Variants in GOLGA6L7 observed in about 807,000 individuals in gnomAD.
GOLGA6L7 encodes golgin subfamily A member 6-like protein 7.
GOLGA6L7 carries 29 observed loss-of-function variants against 68.9 expected under a neutral mutation model. That is an observed-to-expected ratio of 0.42 (90% confidence interval 0.31 to 0.57). The LOEUF is 0.57. Among genes scored for constraint, GOLGA6L7 ranks in the 20% least tolerant of loss-of-function variants. GOLGA6L7 has a pLI of 0.13. For synonymous variants in GOLGA6L7, 133 were observed against 197.4 expected, an observed-to-expected ratio of 0.67 and a Z score of 2.73; for missense variants, 396 against 588.4, an observed-to-expected ratio of 0.67 and a Z score of 3.38.
In GOLGA6L7 at chr15:28,846,225, T is replaced by C. The variant is rs773675475; in HGVS notation, c.205A>G (p.Lys69Glu). The change falls in exon 3 of 9, where the codon AAA becomes GAA. Residue 69 changes from lysine to glutamate, a missense_variant. This residue lies in a region of GOLGA6L7 where 125 missense variants were observed against 119.4 expected (regional missense o/e 1.05). Coordinates refer to ENST00000567390, the MANE Select transcript of GOLGA6L7 (RefSeq NM_001365371.2). ...AAAGAAAGAAACCATGTTACCTCTT[T>C]CAGCTGAGCTCGGTTCTGTTGTTTC... Reference protein sequence around the residue: ...EDKQQNRAQLKEENKASHQHQ... With the variant: ...EDKQQNRAQLEEENKASHQHQ... The C allele has an allele frequency of 2.6e-5, 20 of 771,064 alleles. No individual in the cohort carries two copies. In the South Asian group the frequency reaches 2.8e-4, roughly 11 times the overall value. The allele number at this position is 771,064 out of a possible 1,614,324, so 47.8% of individuals were successfully genotyped here.
intron 1 of GOLGA6L7, among the ~76,000 whole-genome samples, chr15:28,848,121 C>T (rs1227154508): frequency 6.6e-6 from 1 of 152,062 alleles, no homozygotes; most frequent in Non-Finnish European, 1.5e-5. Context: ...AGTGGGGAGC[C>T]CCAGGAGTCA....
In GOLGA6L7 at chr15:28,845,716, A is replaced by C. The variant is rs1567382434; in HGVS notation, c.355+2T>G. 2 of 777,178 alleles carry C rather than the reference A, an allele frequency of 2.6e-6. No individual in the cohort carries two copies. The highest frequency in any genetic ancestry group is 1.7e-5 in the African/African-American group (1 of 59,274). 48.1% of individuals were successfully genotyped at this position (777,178 alleles called of 1,614,324 possible). On this transcript the variant is annotated splice_donor_variant, in intron 5 of 8. Coordinates refer to ENST00000567390, the MANE Select transcript of GOLGA6L7 (RefSeq NM_001365371.2). LOFTEE classifies it high-confidence loss of function. ...AGGATGACGGGGTGCCCAGATTCCC[A>C]CCTTCAAATTTCCTGGCAGCATCCT...
At chr15:28,848,013 T>C (rs1305182279) in intron 1 of GOLGA6L7, among the ~76,000 whole-genome samples, 1 of 152,190 alleles carries the variant, frequency 6.6e-6, no homozygotes, top group African/African-American at 2.4e-5. Flanking sequence ...GAGATTGGCA[T>C]GGGGTCACAG....
Position 28,842,859 on chromosome 15 carries a change from C to T in GOLGA6L7, c.1245G>A (p.Met415Ile). 8.1e-7 allele frequency: 1 copy of T among 1,233,882 alleles called. No homozygotes were observed. Among genetic ancestry groups the T allele is most frequent in the Non-Finnish European group, 9.9e-7 (1 of 1,007,002 alleles). 76.4% of individuals were successfully genotyped at this position (1,233,882 alleles called of 1,614,324 possible). ...CCCCCATCTGCTCCTCCTGCTTCCTCATCTGCTCCCCCATCTGCTCCTCCT... is the reference window on the plus strand; with the variant it reads ...CCCCCATCTGCTCCTCCTGCTTCCTTATCTGCTCCCCCATCTGCTCCTCCT... ...WKQEEQMGEQ[M>I]RKQEEQMGEQ... is the part of the protein sequence containing the mutation. The change falls in exon 9 of 9, where the codon ATG (methionine) becomes ATA (isoleucine). Residue 415 changes from methionine to isoleucine, a missense_variant. By Grantham distance (10) the Met-to-Ile change is conservative. Around this residue, in one of 5 missense-constraint regions of GOLGA6L7, gnomAD observed 114 missense variants for 186.0 expected, o/e 0.61. Transcript: ENST00000567390.
rs201853225 is a variant in GOLGA6L7 at position 28,844,703 on chromosome 15, C to T, written c.463-440G>A. Among the ~76,000 whole-genome samples the T allele has an allele frequency of 5.7e-4, 87 of 151,930 alleles. 1 individual carries two copies. Among genetic ancestry groups the T allele is most frequent in the African/African-American group, 1.7e-3 (70 of 41,356 alleles). The stretch of plus-strand genomic sequence containing the variant: ...GAGCGATCAGATAATATTGTTATTG[C>T]TATTACTGTTATTATTACCACTGTT... On this transcript the variant is annotated intron_variant, in intron 6 of 8. Transcript: ENST00000567390.
At chr15:28,844,545 C>CT (rs567050245) in intron 6 of GOLGA6L7, among the ~76,000 whole-genome samples, 3,301 of 151,372 alleles carry the variant, frequency 0.022, 108 homozygotes, top group African/African-American at 0.071. Flanking sequence ...ATTCTTCTGC[C>CT]TCAGCCTCCT....
chr15:28,844,517 G>A (rs1468499982), intron 6 of GOLGA6L7, among the ~76,000 whole-genome samples: 2 of 139,672 alleles, frequency 1.4e-5, no homozygotes, highest in South Asian at 2.4e-4. Context: ...CGCAACCTCC[G>A]CCTCCCGGCT....
In GOLGA6L7 at chr15:28,843,006, C is replaced by T. The variant is rs555850285; in HGVS notation, c.1098G>A (p.Glu366=). 9 of 1,242,856 alleles carry T rather than the reference C, an allele frequency of 7.2e-6. No individual in the cohort carries two copies. The highest frequency in any genetic ancestry group is 3.4e-5 in the South Asian group (1 of 29,630). The allele number at this position is 1,242,856 out of a possible 1,614,324, so 77.0% of individuals were successfully genotyped here. A position where few individuals can be genotyped will look rare whatever the true frequency, so the allele number is the denominator to read the frequency against. Residue 366 remains glutamate, a synonymous_variant, in exon 9 of 9, where the codon GAG becomes GAA. Coordinates refer to ENST00000567390, the MANE Select transcript of GOLGA6L7 (RefSeq NM_001365371.2). ...RKQEEQMWKQ[E]EQIGEQEEQM... ...GCTCCTCCTGCTCCCCTATCTGCTC[C>T]TCCTGCTTCCACATCTGCTCCTCCT...
At position 28,844,197 on chromosome 15, in the gene GOLGA6L7, T is replaced by C. The variant is rs61302813; in HGVS notation, c.521+8A>G. 87,384 of 277,286 alleles carry C rather than the reference T, an allele frequency of 0.32. 17,348 individuals carry two copies. Among genetic ancestry groups the C allele is most frequent in the African/African-American group, 0.76 (33,922 of 44,760 alleles). 17.2% of individuals were successfully genotyped at this position (277,286 alleles called of 1,614,324 possible). ...TCAGACCTCCCATCCCCCCCTCCCC[T>C]ATCCTACATGTTCCTGAACAGCTCC... On this transcript the variant is annotated splice_region_variant and intron_variant, in intron 7 of 8. Transcript: ENST00000567390.
At position 28,843,727 on chromosome 15, in the gene GOLGA6L7, C is replaced by A; in HGVS notation, c.663+7G>T. 1.5e-6 allele frequency: 1 copy of A among 655,624 alleles called. No homozygotes were observed. The highest frequency in any genetic ancestry group is 1.7e-5 in the South Asian group (1 of 57,504). The allele number at this position is 655,624 out of a possible 1,614,324, so 40.6% of individuals were successfully genotyped here. On this transcript the variant is annotated splice_region_variant and intron_variant, in intron 8 of 8. Transcript: ENST00000567390. ...GCTCCCACACCCCCGGGGCTGCCGCCGCTCACCTGTGGCAGCGGGATTTTG... is the reference window on the plus strand; with the variant it reads ...GCTCCCACACCCCCGGGGCTGCCGCAGCTCACCTGTGGCAGCGGGATTTTG...
At chr15:28,843,661 A>G in intron 8 of GOLGA6L7, 73 bp downstream of exon 8, 1 of 587,498 alleles carries the variant, frequency 1.7e-6, no homozygotes, top group South Asian at 2.3e-5. Flanking sequence ...GAGCCTCCCC[A>G]CACCCTGCAT....
intron 1 of GOLGA6L7, among the ~76,000 whole-genome samples, chr15:28,847,743 A>G (rs1291349764): frequency 6.6e-6 from 1 of 152,242 alleles, no homozygotes; most frequent in Non-Finnish European, 1.5e-5. Context: ...GTGGCACTCA[A>G]AGTACCCCAG....
intron 6 of GOLGA6L7, 65 bp downstream of exon 6, chr15:28,845,464 T>G: frequency 1.4e-6 from 1 of 701,354 alleles, no homozygotes; most frequent in Non-Finnish European, 2.6e-6. Flanking sequence ...AGAAGGGACC[T>G]TTAGGCTCAT....
chr15:28,843,072 C>T lies in GOLGA6L7; in HGVS notation c.1032G>A (p.Gln344=). Residue 344 remains glutamine, a synonymous_variant, in exon 9 of 9, where the codon CAG becomes CAA. Transcript: ENST00000567390. ...CCTTCTGCTTCAGCATCTGCTTCTC[C>T]TGCTTCCGCATCTGCTCCTCCTGCT... ...MGEQEEQMRK[Q]EKQMLKQKEQ... 7.7e-7 allele frequency: 1 copy of T among 1,296,996 alleles called. No individual in the cohort carries two copies. Among genetic ancestry groups the T allele is most frequent in the South Asian group, 2.7e-5 (1 of 37,054 alleles). The allele number at this position is 1,296,996 out of a possible 1,614,324, so 80.3% of individuals were successfully genotyped here.
Position 28,843,297 on chromosome 15 carries a change from C to A in GOLGA6L7, c.807G>T (p.Lys269Asn), listed in dbSNP as rs867467695. The A allele has an allele frequency of 8.2e-7, 1 of 1,219,370 alleles. No individual in the cohort carries two copies. Among genetic ancestry groups the A allele is most frequent in the Non-Finnish European group, 1.0e-6 (1 of 960,378 alleles). 75.5% of individuals were successfully genotyped at this position (1,219,370 alleles called of 1,614,324 possible). ...RQEQRLRDQE[K>N]ELREQEQQMQ... ...TCTGCTGCTCCTGCTCCCGCAGCTC[C>A]TTCTCCTGGTCCCGCAGCCTCTGCT... The change falls in exon 9 of 9, where the codon AAG (lysine) becomes AAT (asparagine). Residue 269 changes from lysine to asparagine, a missense_variant. Lys to Asn is a moderately conservative substitution (Grantham distance 94, BLOSUM62 0). Coordinates refer to ENST00000567390, the MANE Select transcript of GOLGA6L7 (RefSeq NM_001365371.2).
At chr15:28,848,431 C>G (rs935151150) in intron 1 of GOLGA6L7, 68 bp downstream of exon 1, 2 of 689,402 alleles carry the variant, frequency 2.9e-6, no homozygotes, top group Non-Finnish European at 5.3e-6. Flanking sequence ...ATTCTGGCAG[C>G]TGTTCTGCCA....
In GOLGA6L7 at chr15:28,843,035, T is replaced by A; in HGVS notation, c.1069A>T (p.Lys357Ter). 8.0e-7 allele frequency: 1 copy of A among 1,243,452 alleles called. No homozygotes were observed. The highest frequency in any genetic ancestry group is 1.0e-6 in the Non-Finnish European group (1 of 994,842). The allele number at this position is 1,243,452 out of a possible 1,614,324, so 77.0% of individuals were successfully genotyped here. Reference protein sequence around the residue: ...QMLKQKEQMRKQEEQMWKQEE... With the variant: ...QMLKQKEQMR ...TGCTTCCACATCTGCTCCTCCTGCT[T>A]CCGCATCTGCTCCTTCTGCTTCAGC... Residue 357 changes from lysine to a stop codon, truncating the protein, a stop_gained, in exon 9 of 9, where the codon AAG becomes TAG. Coordinates refer to ENST00000567390, the MANE Select transcript of GOLGA6L7 (RefSeq NM_001365371.2). LOFTEE classifies it high-confidence loss of function.
At position 28,844,211 on chromosome 15, in the gene GOLGA6L7, C is replaced by G. The variant is rs1407728162; in HGVS notation, c.515G>C (p.Arg172Thr). Reference protein sequence around the residue: ...EREAMSLELFRNIITNKELKE... With the variant: ...EREAMSLELFTNIITNKELKE... The stretch of plus-strand genomic sequence containing the variant: ...CCCCCCTCCCCTATCCTACATGTTC[C>G]TGAACAGCTCCAGACTCATGGCTTC... Residue 172 changes from arginine to threonine, a missense_variant, in exon 7 of 9, where the codon AGG becomes ACG. Transcript: ENST00000567390. The G allele has an allele frequency of 1.8e-5, 9 of 491,426 alleles. No individual in the cohort carries two copies. In the East Asian group the frequency reaches 3.1e-4, roughly 17 times the overall value. 30.4% of individuals were successfully genotyped at this position (491,426 alleles called of 1,614,324 possible).
chr15:28,845,404 G>A (rs1368460384), intron 6 of GOLGA6L7, 125 bp downstream of exon 6: 2 of 698,852 alleles, frequency 2.9e-6, no homozygotes, highest in South Asian at 3.0e-5. Context: ...ACGCACAAAA[G>A]CAGCAAGAAA....
Sources: gnomAD v4.1 joint callset for allele counts (sites outside exome capture counted in the v4.1 genomes callset) on GRCh38, gnomAD v4.1.1 for gene constraint, gnomAD v4.1.1 regional missense constraint, MANE v1.5 for transcripts, NCBI Gene and HGNC (gene_info 2026-07-23, HGNC 2026-07-21) for gene names.